Variants in OPCML observed in about 807,000 individuals in gnomAD.
OPCML encodes opioid-binding protein/cell adhesion molecule.
In OPCML, 13 loss-of-function variants were observed where a neutral mutation model predicts 37.8. That is an observed-to-expected ratio of 0.34 (90% CI 0.22 to 0.55). The LOEUF (loss-of-function observed/expected upper bound fraction) is 0.55. OPCML is among the 20% of genes least tolerant of loss of function. The pLI is 0.91. For synonymous variants in OPCML, 176 were observed against 168.8 expected (o/e 1.04, Z -0.33); for missense variants, 341 against 435.6 (o/e 0.78, Z 1.93).
chr11:133,347,308 G>T (rs745545246), intron 1 of OPCML, among the ~76,000 whole-genome samples: 1 of 152,152 alleles, frequency 6.6e-6, no homozygotes, highest in Admixed American at 6.5e-5. Flanking sequence ...TTGTCCTCCC[G>T]GGAGCTGCAA....
chr11:133,180,192 G>A (rs1222230366), intron 1 of OPCML, among the ~76,000 whole-genome samples: 1 of 152,136 alleles, frequency 6.6e-6, no homozygotes, highest in Non-Finnish European at 1.5e-5. Flanking sequence ...TGAGAAGTTG[G>A]ATGAACTAGG....
intron 1 of OPCML, among the ~76,000 whole-genome samples, chr11:132,950,435 G>A (rs185792287): frequency 4.5e-4 from 69 of 152,296 alleles, no homozygotes; most frequent in African/African-American, 1.6e-3. Context: ...CCTGTAATGA[G>A]GATGATGCCA....
intron 1 of OPCML, among the ~76,000 whole-genome samples, chr11:133,490,373 T>C (rs1162672863): frequency 6.6e-6 from 1 of 152,230 alleles, no homozygotes; most frequent in Non-Finnish European, 1.5e-5. Context: ...GCAGATATAC[T>C]TGAACATTGT....
At chr11:132,581,299 C>T (rs897959387) in intron 3 of OPCML, among the ~76,000 whole-genome samples, 1 of 152,182 alleles carries the variant, frequency 6.6e-6, no homozygotes, top group African/African-American at 2.4e-5. Context: ...AGCTTCAATA[C>T]AACTAAACAA....
chr11:132,497,062 TA>T (rs1217298249), intron 4 of OPCML, among the ~76,000 whole-genome samples: 2 of 152,068 alleles, frequency 1.3e-5, no homozygotes, highest in African/African-American at 4.8e-5. Context: ...TATGCAGCCA[TA>T]AAAAGGAATA....
intron 3 of OPCML, among the ~76,000 whole-genome samples, chr11:132,585,857 C>A (rs1162553104): frequency 6.6e-6 from 1 of 152,156 alleles, no homozygotes; most frequent in Non-Finnish European, 1.5e-5. Context: ...ACAGAGCTGG[C>A]AAAGATTTCA....
At position 133,054,292 on chromosome 11, in the gene OPCML, C is replaced by T. The variant is rs559214990; in HGVS notation, c.62-111282G>A. Among the ~76,000 whole-genome samples, 3 of 152,278 alleles carry T rather than the reference C, an allele frequency of 2.0e-5. No homozygotes were observed. In the East Asian group the frequency reaches 5.8e-4, roughly 29 times the overall value. Reference sequence around the variant, plus strand: ...CTTTCTATTATACCTGTCATCAAACCCAAACTTCTTAAAAAGTCAGATGGC... The same window carrying T: ...CTTTCTATTATACCTGTCATCAAACTCAAACTTCTTAAAAAGTCAGATGGC... On this transcript the variant is annotated intron_variant, in intron 1 of 7. Coordinates refer to ENST00000524381, the MANE Select transcript of OPCML (RefSeq NM_001012393.5).
intron 1 of OPCML, among the ~76,000 whole-genome samples, chr11:133,028,138 CTTTT>C (rs1047518082): frequency 8.6e-5 from 13 of 151,912 alleles, no homozygotes; most frequent in African/African-American, 3.1e-4. Context: ...TTATTTCTTT[CTTTT>C]TATTTTCTGC....
intron 4 of OPCML, among the ~76,000 whole-genome samples, chr11:132,469,491 GTGTGTATGTA>G (rs1214701808): frequency 2.8e-4 from 42 of 150,666 alleles, no homozygotes; most frequent in African/African-American, 1.0e-3. Context: ...TGGTGACTGT[GTGTGTATGTA>G]TGTGTGTGTA....
intron 3 of OPCML, among the ~76,000 whole-genome samples, chr11:132,544,563 G>A (rs1441377896): frequency 4.6e-5 from 7 of 152,248 alleles, no homozygotes; most frequent in African/African-American, 1.2e-4. Context: ...AGAGGCAGCC[G>A]ACTAAAAAGT....
At chr11:133,446,223 G>C (rs1946471667) in intron 1 of OPCML, among the ~76,000 whole-genome samples, 3 of 152,024 alleles carry the variant, frequency 2.0e-5, no homozygotes, top group African/African-American at 7.2e-5. Flanking sequence ...TCTCCCTTTA[G>C]CCTTTTTGTA....
chr11:132,727,299 A>G (rs1475709293), intron 2 of OPCML, among the ~76,000 whole-genome samples: 1 of 152,176 alleles, frequency 6.6e-6, no homozygotes, highest in East Asian at 1.9e-4. Flanking sequence ...ATACTAGGTG[A>G]TCTGACGTTT....
intron 4 of OPCML, among the ~76,000 whole-genome samples, chr11:132,508,984 T>C (rs957219305): frequency 1.3e-5 from 2 of 152,138 alleles, no homozygotes; most frequent in Admixed American, 1.3e-4. Context: ...CAGGAACATG[T>C]GGAAAAGTTT....
chr11:133,373,641 A>G (rs1328694266), intron 1 of OPCML, among the ~76,000 whole-genome samples: 1 of 150,180 alleles, frequency 6.7e-6, no homozygotes, highest in African/African-American at 2.5e-5. Context: ...ATAAAAAAAA[A>G]GAAAAGAAAA....
At chr11:133,021,505 G>A (rs900991348) in intron 1 of OPCML, among the ~76,000 whole-genome samples, 8 of 152,208 alleles carry the variant, frequency 5.3e-5, no homozygotes, top group Middle Eastern at 3.4e-3. Flanking sequence ...TTTCTCAACG[G>A]CAATGAGCTT....
At chr11:133,099,955 T>A (rs1472651689) in intron 1 of OPCML, among the ~76,000 whole-genome samples, 1 of 152,164 alleles carries the variant, frequency 6.6e-6, no homozygotes, top group Admixed American at 6.6e-5. Flanking sequence ...ATAAAGAAAA[T>A]ATGGTACATA....
At chr11:133,316,343 C>T (rs1943204369) in intron 1 of OPCML, among the ~76,000 whole-genome samples, 1 of 152,146 alleles carries the variant, frequency 6.6e-6, no homozygotes, top group Non-Finnish European at 1.5e-5. Context: ...AGGCACCAGC[C>T]CCTTTTTATT....
At chr11:133,132,524 TA>T (rs1284587172) in intron 1 of OPCML, among the ~76,000 whole-genome samples, 3 of 152,192 alleles carry the variant, frequency 2.0e-5, no homozygotes, top group Non-Finnish European at 4.4e-5. Flanking sequence ...ATTCCTCTTT[TA>T]GGCATGTACC....
chr11:133,458,887 G>A lies in OPCML; in HGVS notation c.61+73377C>T, dbSNP rs1455760384. ...TATATACACACACATACACACACAT[G>A]TGTGTGTATATATATACACATATAT... is the stretch of plus-strand genomic sequence containing the variant. On this transcript the variant is annotated intron_variant, in intron 1 of 7. Transcript: ENST00000524381. 1.1e-3 allele frequency among the ~76,000 whole-genome samples: 143 copies of A among 124,412 alleles called. 4 individuals carry two copies. The highest frequency in any genetic ancestry group is 5.3e-3 in the African/African-American group (102 of 19,384). The allele number at this position is 124,412 out of a possible 152,430, so 81.6% of individuals were successfully genotyped here.
Sources: gnomAD v4.1 joint callset for allele counts (sites outside exome capture counted in the v4.1 genomes callset) on GRCh38, gnomAD v4.1.1 for gene constraint, MANE v1.5 for transcripts, NCBI Gene and HGNC (gene_info 2026-07-23, HGNC 2026-07-21) for gene names.